The following HIP1 variants were observed in gnomAD, a reference collection of about 807,000 sequenced individuals.
HIP1 encodes the protein huntingtin interacting protein 1, also known as huntingtin-interacting protein 1.
Under a neutral mutation model 147.6 loss-of-function variants are expected in HIP1, and 65 were observed. The ratio of observed to expected loss-of-function variants is 0.44; its 90% CI spans 0.36 to 0.54. The LOEUF is 0.54. Among genes scored for constraint, HIP1 ranks in the 20% least tolerant of loss-of-function variants. HIP1 has a pLI of 0.00. For synonymous variants in HIP1, 479 were observed against 504.0 expected (o/e 0.95, Z 0.67); for missense variants, 1,061 against 1,299.6 (o/e 0.82, Z 2.82).
At chr7:75,646,091 T>A (rs1375393638) in intron 1 of HIP1, among the ~76,000 whole-genome samples, 1 of 152,140 alleles carries the variant, frequency 6.6e-6, no homozygotes, top group East Asian at 1.9e-4. Context: ...AATGAATTTT[T>A]TTTTTTGAGA....
In HIP1 at chr7:75,554,213, A is replaced by G. The variant is rs1431817286; in HGVS notation, c.2058T>C (p.Ser686=). The G allele has an allele frequency of 1.2e-6, 2 of 1,613,310 alleles. No homozygotes were observed. The highest frequency in any genetic ancestry group is 1.7e-5 in the Admixed American group (1 of 60,004). ...GCAGGGTTATGGAATGGAGAAGTCC[A>G]CTGATGTCTGCCAGGATTGGAAAGA... is the stretch of plus-strand genomic sequence containing the variant. ...SQYLACPEDI[S]GLLHSITLLA... The change falls in exon 21 of 31, where the codon AGT becomes AGC. Residue 686 remains serine, a synonymous_variant. Coordinates refer to ENST00000336926, the MANE Select transcript of HIP1 (RefSeq NM_005338.7).
At chr7:75,565,996 G>A (rs1795389693) in intron 9 of HIP1, among the ~76,000 whole-genome samples, 1 of 150,874 alleles carries the variant, frequency 6.6e-6, no homozygotes, top group African/African-American at 2.5e-5. Flanking sequence ...TTACAGGTGT[G>A]AGCCACTGCA....
chr7:75,702,164 G>A (rs1554519219), intron 1 of HIP1, among the ~76,000 whole-genome samples: 3 of 150,978 alleles, frequency 2.0e-5, no homozygotes, highest in African/African-American at 7.3e-5. Flanking sequence ...AGGCTGGAAT[G>A]CAATGGCACG....
rs1244192307 is a variant in HIP1 at position 75,568,790 on chromosome 7, C to T, written c.746-534G>A. Among the ~76,000 whole-genome samples, 4 of 152,214 alleles carry T rather than the reference C, an allele frequency of 2.6e-5. No individual in the cohort carries two copies. The highest frequency in any genetic ancestry group is 9.7e-5 in the African/African-American group (4 of 41,446). Reference sequence around the variant, plus strand: ...TTGGGAGGCTGAGGCAGGAGAATCACTTGAGGTCAGGAGTTCGAGACCAGC... The same window carrying T: ...TTGGGAGGCTGAGGCAGGAGAATCATTTGAGGTCAGGAGTTCGAGACCAGC... On this transcript the variant is annotated intron_variant, in intron 8 of 30. Transcript: ENST00000336926. This position sits in a 1 kb window ranked among gnomAD's most constrained non-coding sequence, Gnocchi z 4.1.
intron 7 of HIP1, among the ~76,000 whole-genome samples, chr7:75,576,046 C>A (rs931061628): frequency 2.0e-5 from 3 of 152,210 alleles, no homozygotes; most frequent in African/African-American, 7.2e-5. Flanking sequence ...CTGGCAGGAA[C>A]CACGGGCTGT....
At chr7:75,665,320 C>A (rs1799523038) in intron 1 of HIP1, among the ~76,000 whole-genome samples, 1 of 151,994 alleles carries the variant, frequency 6.6e-6, no homozygotes, top group African/African-American at 2.4e-5. Context: ...AAGCAGAGGG[C>A]ATTTCCATCT....
chr7:75,703,926 A>C (rs1487193249), intron 1 of HIP1, among the ~76,000 whole-genome samples: 1 of 152,044 alleles, frequency 6.6e-6, no homozygotes, highest in Non-Finnish European at 1.5e-5. Flanking sequence ...AGAGCTGCCG[A>C]CCCGAAGCCT....
intron 14 of HIP1, among the ~76,000 whole-genome samples, chr7:75,559,276 G>A (rs148231967): frequency 1.8e-4 from 28 of 152,104 alleles, no homozygotes; most frequent in African/African-American, 5.1e-4. Flanking sequence ...CACCATGCCC[G>A]GCTAGTCTTT....
At chr7:75,555,195 C>CGGGGTGG (rs1794946607) in intron 19 of HIP1, among the ~76,000 whole-genome samples, 1 of 23,602 alleles carries the variant, frequency 4.2e-5, no homozygotes. Context: ...AGCGGGGGGG[C>CGGGGTGG]GGGGGGGGGG....
chr7:75,538,570 CTTTT>C (rs67030357), intron 30 of HIP1, among the ~76,000 whole-genome samples: 1 of 112,932 alleles, frequency 8.9e-6, no homozygotes, highest in African/African-American at 3.4e-5. Context: ...CTGATCCCTT[CTTTT>C]TTTTTTTTTT....
chr7:75,738,936 C>G lies in HIP1; in HGVS notation c.-16G>C. The G allele has an allele frequency of 6.5e-7, 1 of 1,535,198 alleles. No individual in the cohort carries two copies. The highest frequency in any genetic ancestry group is 8.8e-7 in the Non-Finnish European group (1 of 1,142,020). On this transcript the variant is annotated 5_prime_UTR_variant, in exon 1 of 31. Transcript: ENST00000336926. ...TCCGATCCATGTCGCCGCGAGGAGC[C>G]GAGTCAGGGGCCCTCGGCTGCCCCG...
At chr7:75,715,774 CAAAAAAAA>C (rs34769081) in intron 1 of HIP1, among the ~76,000 whole-genome samples, 4 of 36,718 alleles carry the variant, frequency 1.1e-4, no homozygotes, top group South Asian at 1.7e-3. Context: ...GATCCTGTCT[CAAAAAAAA>C]AAAAAAAAAA....
At chr7:75,605,357 C>T (rs1797183529) in intron 1 of HIP1, among the ~76,000 whole-genome samples, 2 of 151,960 alleles carry the variant, frequency 1.3e-5, no homozygotes, top group Non-Finnish European at 2.9e-5. Flanking sequence ...AGCCTGAGGG[C>T]CGGGGGGGAT....
chr7:75,669,403 C>G (rs1030051670), intron 1 of HIP1, among the ~76,000 whole-genome samples: 23 of 150,396 alleles, frequency 1.5e-4, no homozygotes, highest in African/African-American at 4.6e-4. Flanking sequence ...AACAAAAAAA[C>G]AACAAAAAAA....
In HIP1 at chr7:75,715,774, C is replaced by CAAAAAA. The variant is rs34769081; in HGVS notation, c.120+23021_120+23026dup. ...TAGGCAACAGAGTGAGATCCTGTCT[C>CAAAAAA]AAAAAAAAAAAAAAAAAAAAAAAAA... On this transcript the variant is annotated intron_variant, in intron 1 of 30. Transcript: ENST00000336926. Among the ~76,000 whole-genome samples the CAAAAAA allele has an allele frequency of 2.2e-4, 8 of 36,714 alleles. 1 individual carries two copies. The highest frequency in any genetic ancestry group is 3.5e-4 in the African/African-American group (3 of 8,542). 24.1% of individuals were successfully genotyped at this position (36,714 alleles called of 152,430 possible). A position where few individuals can be genotyped will look rare whatever the true frequency, so the allele number is the denominator to read the frequency against.
intron 29 of HIP1, 106 bp downstream of exon 29, chr7:75,541,813 A>C: frequency 7.8e-6 from 6 of 770,410 alleles, no homozygotes; most frequent in Non-Finnish European, 1.4e-5. Context: ...TTGGGTTAGT[A>C]GGTGCACCTG....
intron 1 of HIP1, among the ~76,000 whole-genome samples, chr7:75,687,387 T>C (rs1218969085): frequency 6.6e-6 from 1 of 152,146 alleles, no homozygotes; most frequent in East Asian, 1.9e-4. Flanking sequence ...GCTGTGAATA[T>C]CTATTTTTCT....
chr7:75,677,994 C>T (rs1179421330), intron 1 of HIP1, among the ~76,000 whole-genome samples: 3 of 152,074 alleles, frequency 2.0e-5, no homozygotes, highest in Non-Finnish European at 4.4e-5. Flanking sequence ...CCCCCTTACT[C>T]ACTATTTTTT....
chr7:75,723,402 T>G (rs1801557742), intron 1 of HIP1, among the ~76,000 whole-genome samples: 1 of 152,064 alleles, frequency 6.6e-6, no homozygotes, highest in East Asian at 1.9e-4. Flanking sequence ...AACCCAGCCA[T>G]TTATTATCTT....
Sources: allele counts gnomAD v4.1 joint callset (sites outside exome capture counted in the v4.1 genomes callset), GRCh38; gene constraint gnomAD v4.1.1; non-coding constraint Gnocchi (gnomAD v3.1); transcripts MANE v1.5; gene names NCBI Gene and HGNC (gene_info 2026-07-23, HGNC 2026-07-21).